Variants in YEATS2 observed in about 807,000 individuals in gnomAD.
YEATS2 encodes YEATS domain-containing protein 2.
YEATS2 carries 77 observed loss-of-function variants against 163.2 expected under a neutral mutation model. The ratio of observed to expected loss-of-function variants is 0.47; its 90% CI spans 0.39 to 0.57. YEATS2 has a LOEUF of 0.57. YEATS2 is among the 20% of genes least tolerant of loss of function. YEATS2 has a pLI of 0.00. For missense variants in YEATS2, 1,549 were observed against 1,729.8 expected (o/e 0.90, Z 1.85); for synonymous variants, 631 against 645.1 (o/e 0.98, Z 0.33).
At chr3:183,726,284 C>A (rs1717090896) in intron 6 of YEATS2, among the ~76,000 whole-genome samples, 1 of 152,158 alleles carries the variant, frequency 6.6e-6, no homozygotes, top group Admixed American at 6.5e-5. Flanking sequence ...CTACTCTGAA[C>A]CAGTTCTGTC....
rs1715714865 is a variant in YEATS2 at position 183,715,220 on chromosome 3, G to C, written c.58G>C (p.Val20Leu). Residue 20 changes from valine to leucine, a missense_variant, in exon 2 of 31, where the codon GTG becomes CTG. Physicochemically the swap from Val to Leu is conservative, Grantham distance 32. Coordinates refer to ENST00000305135, the MANE Select transcript of YEATS2 (RefSeq NM_018023.5). ...ETDPDYEDVS[V>L]ALPNKRHKAI... ...CGACCCTGATTACGAGGATGTATCT[G>C]TGGCCCTTCCAAATAAGCGGCATAA... 4 of 1,613,280 alleles carry C rather than the reference G, an allele frequency of 2.5e-6. No homozygotes were observed. Among genetic ancestry groups the C allele is most frequent in the Middle Eastern group, 1.6e-4 (1 of 6,084 alleles).
In YEATS2 at chr3:183,800,428, C is replaced by T. The variant is rs150150372; in HGVS notation, c.3326-38C>T. On this transcript the variant is annotated intron_variant, in intron 23 of 30. Coordinates refer to ENST00000305135, the MANE Select transcript of YEATS2 (RefSeq NM_018023.5). ...CCTGCACGTGTCCTTCCACCACTGACCCCTAACAGCTGCCTCTTTGTTGCT... is the reference window on the plus strand; with the variant it reads ...CCTGCACGTGTCCTTCCACCACTGATCCCTAACAGCTGCCTCTTTGTTGCT... 9.2e-4 allele frequency: 1,389 copies of T among 1,505,980 alleles called. 8 individuals are homozygous for T. The highest frequency in any genetic ancestry group is 6.9e-3 in the Middle Eastern group (40 of 5,832). The allele number at this position is 1,505,980 out of a possible 1,614,324, so 93.3% of individuals were successfully genotyped here. A position where few individuals can be genotyped will look rare whatever the true frequency, so the allele number is the denominator to read the frequency against.
intron 15 of YEATS2, among the ~76,000 whole-genome samples, chr3:183,768,320 G>A (rs1035271316): frequency 1.3e-5 from 2 of 152,186 alleles, no homozygotes; most frequent in Non-Finnish European, 2.9e-5. Flanking sequence ...GACAGAGCCC[G>A]AAAGTCGCTC....
chr3:183,724,509 A>G lies in YEATS2; in HGVS notation c.628A>G (p.Ile210Val), dbSNP rs763318641. 5 of 1,612,642 alleles carry G rather than the reference A, an allele frequency of 3.1e-6. No homozygotes were observed. The highest frequency in any genetic ancestry group is 2.2e-5 in the South Asian group (2 of 90,922). Residue 210 changes from isoleucine to valine, a missense_variant, in exon 6 of 31, where the codon ATA (isoleucine) becomes GTA (valine). Physicochemically the swap from Ile to Val is conservative, Grantham distance 29. Transcript: ENST00000305135. Reference sequence around the variant, plus strand: ...TTCACGACTTTTTGTAAAGAAAACAATAGTAGTGGGCAATGTGTCCAAGTG... The same window carrying G: ...TTCACGACTTTTTGTAAAGAAAACAGTAGTAGTGGGCAATGTGTCCAAGTG... ...ETSRLFVKKT[I>V]VVGNVSKYIP...
At chr3:183,761,381 C>T (rs1406692226) in intron 13 of YEATS2, 126 bp from the exon 14 acceptor site, 21 of 939,262 alleles carry the variant, frequency 2.2e-5, no homozygotes, top group Non-Finnish European at 3.5e-5. Context: ...GCTACCGCAC[C>T]CAGCCAGTCT....
At chr3:183,767,021 A>G (rs541909499) in intron 15 of YEATS2, among the ~76,000 whole-genome samples, 5 of 152,292 alleles carry the variant, frequency 3.3e-5, no homozygotes, top group South Asian at 4.1e-4. Context: ...TGGGTAATAC[A>G]GTCTTATTTA....
At chr3:183,760,710 G>A (rs1721260351) in intron 13 of YEATS2, among the ~76,000 whole-genome samples, 1 of 152,142 alleles carries the variant, frequency 6.6e-6, no homozygotes, top group Non-Finnish European at 1.5e-5. Context: ...TGTTTTTTAA[G>A]TTTTTATTGA....
chr3:183,772,591 TTC>T, intron 16 of YEATS2, 28 bp downstream of exon 16: 5 of 1,609,786 alleles, frequency 3.1e-6, no homozygotes, highest in Non-Finnish European at 4.2e-6. Flanking sequence ...TGGGAGCCCT[TTC>T]AGCAGAAGCT....
At chr3:183,698,774 G>A (rs187412056) in intron 1 of YEATS2, among the ~76,000 whole-genome samples, 23 of 152,136 alleles carry the variant, frequency 1.5e-4, no homozygotes, top group Admixed American at 5.2e-4. Flanking sequence ...AAAAAATGCG[G>A]TATAATATTA....
chr3:183,795,278 C>T (rs1185883195), intron 21 of YEATS2, among the ~76,000 whole-genome samples: 2 of 151,278 alleles, frequency 1.3e-5, no homozygotes, highest in African/African-American at 4.9e-5. Flanking sequence ...ATATACATTC[C>T]TTTTTAAATT....
chr3:183,716,340 T>C lies in YEATS2; in HGVS notation c.100+1078T>C, dbSNP rs373125534. Among the ~76,000 whole-genome samples the C allele has an allele frequency of 1.2e-4, 18 of 152,302 alleles. 1 individual carries two copies. The highest frequency in any genetic ancestry group is 5.2e-4 in the Admixed American group (8 of 15,270). On this transcript the variant is annotated intron_variant, in intron 2 of 30. Coordinates refer to ENST00000305135, the MANE Select transcript of YEATS2 (RefSeq NM_018023.5). ...AAATAATCTACCTAAGTTAATACTT[T>C]TAACAGGGTAAAGAAGGCGTCAGTC...
rs1421461491 is a variant in YEATS2 at position 183,697,863 on chromosome 3, C to G, written c.-150C>G. ...CGGGCTCCACCGCGCCGTGTGCTTC[C>G]GCAGGTTGCGGGGGTCGCTGGGGCC... is the stretch of plus-strand genomic sequence containing the variant. On this transcript the variant is annotated 5_prime_UTR_variant, in exon 1 of 31. Coordinates refer to ENST00000305135, the MANE Select transcript of YEATS2 (RefSeq NM_018023.5). 1 of 151,248 alleles carries G rather than the reference C, an allele frequency of 6.6e-6. No individual in the cohort carries two copies. The highest frequency in any genetic ancestry group is 1.9e-4 in the East Asian group (1 of 5,178). 9.4% of individuals were successfully genotyped at this position (151,248 alleles called of 1,614,324 possible). A position where few individuals can be genotyped will look rare whatever the true frequency, so the allele number is the denominator to read the frequency against.
Position 183,752,107 on chromosome 3 carries a change from GAGA to G in YEATS2, c.1008_1010del (p.Glu336del). The stretch of plus-strand genomic sequence containing the variant: ...GTTGAACTCCATCGCCATTCTCTCG[GAGA>G]AGACTGTATCTATCCTCAGTCCTCG... On this transcript the variant is annotated inframe_deletion, in exon 10 of 31. Coordinates refer to ENST00000305135, the MANE Select transcript of YEATS2 (RefSeq NM_018023.5). 2 of 1,614,036 alleles carry G rather than the reference GAGA, an allele frequency of 1.2e-6. No individual in the cohort carries two copies. Among genetic ancestry groups the G allele is most frequent in the Non-Finnish European group, 1.7e-6 (2 of 1,180,022 alleles).
At chr3:183,707,981 C>T (rs1714792194) in intron 1 of YEATS2, among the ~76,000 whole-genome samples, 1 of 151,868 alleles carries the variant, frequency 6.6e-6, no homozygotes, top group Non-Finnish European at 1.5e-5. Context: ...CCGGCGTCCC[C>T]CTCCCCAACT....
At chr3:183,720,514 T>C (rs760045077) in intron 4 of YEATS2, among the ~76,000 whole-genome samples, 44 of 152,198 alleles carry the variant, frequency 2.9e-4, no homozygotes, top group Non-Finnish European at 2.5e-4. Flanking sequence ...TTGTCATGTT[T>C]AGGCCTTCAT....
intron 9 of YEATS2, among the ~76,000 whole-genome samples, chr3:183,748,574 T>G (rs1236492070): frequency 2.0e-5 from 3 of 151,964 alleles, no homozygotes; most frequent in African/African-American, 7.3e-5. Context: ...CCAGGCTTTC[T>G]CCTTTTCTCT....
intron 12 of YEATS2, among the ~76,000 whole-genome samples, chr3:183,756,965 C>T (rs1356136274): frequency 6.6e-6 from 1 of 152,124 alleles, no homozygotes; most frequent in African/African-American, 2.4e-5. Flanking sequence ...ATTTTGTTTT[C>T]ATTTGGAAGA....
intron 8 of YEATS2, among the ~76,000 whole-genome samples, chr3:183,745,672 A>G (rs927817331): frequency 7.9e-5 from 12 of 152,200 alleles, no homozygotes; most frequent in African/African-American, 2.9e-4. Flanking sequence ...TAAAGTTCCT[A>G]GAATGTGTGA....
rs760572791 is a variant in YEATS2, at chr3:183,718,545, A to T, written c.244A>T (p.Ile82Phe). The change falls in exon 4 of 31, where the codon ATT becomes TTT. Residue 82 changes from isoleucine to phenylalanine, a missense_variant. Ile to Phe is a conservative substitution (Grantham distance 21, BLOSUM62 0). Coordinates refer to ENST00000305135, the MANE Select transcript of YEATS2 (RefSeq NM_018023.5). ...GATGATGGATAAACTGCGTGCCTGC[A>T]TTGTAGCAAACTACTATGCTTCTGC... Reference protein sequence around the residue: ...RRMMDKLRACIVANYYASAGL... With the variant: ...RRMMDKLRACFVANYYASAGL... 1 of 1,613,744 alleles carries T rather than the reference A, an allele frequency of 6.2e-7. No homozygotes were observed. Among genetic ancestry groups the T allele is most frequent in the East Asian group, 2.2e-5 (1 of 44,882 alleles).
Sources: allele counts gnomAD v4.1 joint callset (sites outside exome capture counted in the v4.1 genomes callset), GRCh38; gene constraint gnomAD v4.1.1; transcripts MANE v1.5; gene names NCBI Gene and HGNC (gene_info 2026-07-23, HGNC 2026-07-21).